FNBP1L: variants seen among roughly 807,000 people sequenced by gnomAD.
FNBP1L encodes the protein formin-binding protein 1-like.
Under a neutral mutation model 91.2 loss-of-function variants are expected in FNBP1L, and 36 were observed. The observed-to-expected ratio is 0.39, with a 90% CI of 0.30 to 0.52. FNBP1L has a LOEUF of 0.52. Ranked by LOEUF, FNBP1L falls within the 20% of genes least tolerant of loss-of-function variation. The pLI is 0.66. For missense variants in FNBP1L, 571 were observed against 732.1 expected (o/e 0.78, Z 2.54); for synonymous variants, 242 against 237.0 (o/e 1.02, Z -0.19).
chr1:93,482,548 A>T (rs1288113666), intron 1 of FNBP1L, among the ~76,000 whole-genome samples: 3 of 152,160 alleles, frequency 2.0e-5, no homozygotes. Context: ...AAAAGTCTGA[A>T]ATTATGTATT....
rs149974598 is a variant in FNBP1L, at chr1:93,509,652, G to A, written c.140+10069G>A. On this transcript the variant is annotated intron_variant, in intron 2 of 16. Transcript: ENST00000271234. ...ACAGCTCCGGTCTACAGCTCCCAGC[G>A]TGAGCGACGCAGAAGACAGGTGATT... is the stretch of plus-strand genomic sequence containing the variant. Among the ~76,000 whole-genome samples the A allele has an allele frequency of 6.5e-4, 99 of 152,318 alleles. No homozygotes were observed. The Middle Eastern group carries it at 0.037, about 58-fold the overall frequency.
At chr1:93,482,003 T>C (rs893173312) in intron 1 of FNBP1L, among the ~76,000 whole-genome samples, 6 of 151,626 alleles carry the variant, frequency 4.0e-5, no homozygotes, top group African/African-American at 1.5e-4. Context: ...CCACTAAAAA[T>C]GCAAAAAATA....
At chr1:93,465,364 C>T (rs1669039030) in intron 1 of FNBP1L, among the ~76,000 whole-genome samples, 1 of 151,934 alleles carries the variant, frequency 6.6e-6, no homozygotes, top group African/African-American at 2.4e-5. Context: ...GCCTCCCACC[C>T]CCCAACAGGC....
At chr1:93,524,581 CTTT>C (rs34173735) in intron 5 of FNBP1L, among the ~76,000 whole-genome samples, 14 of 113,380 alleles carry the variant, frequency 1.2e-4, no homozygotes, top group Non-Finnish European at 2.7e-4. Flanking sequence ...TAAGGAGATT[CTTT>C]TTTTTTTTTT....
Position 93,499,413 on chromosome 1 carries a change from A to C in FNBP1L, c.25-55A>C, listed in dbSNP as rs975451012. ...ACAAATACCAGAAGCTGTTAAAAAT[A>C]TCTGTGGATAAAATTTTAGACTTTT... On this transcript the variant is annotated intron_variant, in intron 1 of 16. Coordinates refer to ENST00000271234, the MANE Select transcript of FNBP1L (RefSeq NM_001164473.3). 87 of 1,119,662 alleles carry C rather than the reference A, an allele frequency of 7.8e-5. No homozygotes were observed. The African/African-American group carries it at 1.3e-3, about 17-fold the overall frequency. The allele number at this position is 1,119,662 out of a possible 1,614,324, so 69.4% of individuals were successfully genotyped here. A position where few individuals can be genotyped will look rare whatever the true frequency, so the allele number is the denominator to read the frequency against.
At chr1:93,525,547 G>A (rs572634773) in intron 5 of FNBP1L, among the ~76,000 whole-genome samples, 1 of 152,164 alleles carries the variant, frequency 6.6e-6, no homozygotes, top group East Asian at 1.9e-4. Flanking sequence ...CACCTAATGA[G>A]TGTGTGTGTG....
At chr1:93,463,170 C>A (rs1027716246) in intron 1 of FNBP1L, among the ~76,000 whole-genome samples, 1 of 152,064 alleles carries the variant, frequency 6.6e-6, no homozygotes, top group East Asian at 1.9e-4. Flanking sequence ...TCTTTTAAAG[C>A]GCTTCCTTAC....
chr1:93,515,164 A>T (rs1557803579), intron 2 of FNBP1L, among the ~76,000 whole-genome samples: 1 of 152,264 alleles, frequency 6.6e-6, no homozygotes, highest in Admixed American at 6.5e-5. Flanking sequence ...ACATGAAAAA[A>T]TGCTCGCCAT....
At chr1:93,471,051 C>A (rs1036139104) in intron 1 of FNBP1L, among the ~76,000 whole-genome samples, 10 of 152,084 alleles carry the variant, frequency 6.6e-5, no homozygotes, top group Non-Finnish European at 1.0e-4. Context: ...TGCAAAATTA[C>A]AAATACTGCA....
chr1:93,552,455 G>GTTAC lies in FNBP1L; in HGVS notation c.*40_*43dup. 1 of 1,610,992 alleles carries GTTAC rather than the reference G, an allele frequency of 6.2e-7. No homozygotes were observed. The highest frequency in any genetic ancestry group is 1.1e-5 in the South Asian group (1 of 90,454). On this transcript the variant is annotated 3_prime_UTR_variant, in exon 17 of 17. Transcript: ENST00000271234. ...GGAAATGGGCAAGATGTTGAAGGAGGTTACATGCAGCTGCTTTTGGGGGAG... is the reference window on the plus strand; with the variant it reads ...GGAAATGGGCAAGATGTTGAAGGAGGTTACTTACATGCAGCTGCTTTTGGGGGAG...
chr1:93,540,897 G>A, intron 10 of FNBP1L, 145 bp from the exon 11 acceptor site: 1 of 460,980 alleles, frequency 2.2e-6, no homozygotes, highest in Non-Finnish European at 3.5e-6. Flanking sequence ...TGCTTAAAAT[G>A]GTTTTTCTGG....
intron 1 of FNBP1L, among the ~76,000 whole-genome samples, chr1:93,499,231 G>T (rs1426388908): frequency 6.6e-6 from 1 of 152,074 alleles, no homozygotes; most frequent in East Asian, 1.9e-4. Flanking sequence ...TCAGGGGAGG[G>T]TGTTGCAACT....
chr1:93,476,484 G>A (rs1669498635), intron 1 of FNBP1L, among the ~76,000 whole-genome samples: 1 of 152,026 alleles, frequency 6.6e-6, no homozygotes, highest in South Asian at 2.1e-4. Flanking sequence ...CTAAGGATAG[G>A]GATATTATGT....
chr1:93,462,396 G>C (rs1668902429), intron 1 of FNBP1L, among the ~76,000 whole-genome samples: 1 of 151,912 alleles, frequency 6.6e-6, no homozygotes, highest in Admixed American at 6.6e-5. Context: ...TCCTACATTA[G>C]TATGGTACAT....
At chr1:93,481,913 A>C (rs1182016753) in intron 1 of FNBP1L, among the ~76,000 whole-genome samples, 1 of 152,216 alleles carries the variant, frequency 6.6e-6, no homozygotes, top group Admixed American at 6.5e-5. Context: ...TAATCCCAGC[A>C]CTTTGGGAGG....
intron 1 of FNBP1L, among the ~76,000 whole-genome samples, chr1:93,451,548 G>A (rs1379454189): frequency 6.6e-6 from 1 of 152,118 alleles, no homozygotes; most frequent in East Asian, 1.9e-4. Context: ...ATTTATAAGT[G>A]CATATAAATC....
At chr1:93,535,046 TATA>T (rs1262921920) in intron 9 of FNBP1L, 138 bp downstream of exon 9, 1 of 706,822 alleles carries the variant, frequency 1.4e-6, no homozygotes, top group African/African-American at 1.8e-5. Context: ...ACCTTTCACT[TATA>T]TTAGGAATAC....
chr1:93,545,079 T>A (rs1672178944), intron 12 of FNBP1L, among the ~76,000 whole-genome samples: 1 of 152,150 alleles, frequency 6.6e-6, no homozygotes, highest in African/African-American at 2.4e-5. Flanking sequence ...TGTTGATTTA[T>A]TAACTTTGAT....
At chr1:93,551,436 G>A in intron 16 of FNBP1L, 2 of 1,006,224 alleles carry the variant, frequency 2.0e-6, no homozygotes, top group East Asian at 9.7e-5. Context: ...AGGAATTCAT[G>A]GATAGTAATG....
Sources: allele counts gnomAD v4.1 joint callset (sites outside exome capture counted in the v4.1 genomes callset), GRCh38; gene constraint gnomAD v4.1.1; transcripts MANE v1.5; gene names NCBI Gene and HGNC (gene_info 2026-07-23, HGNC 2026-07-21).